MALT1: variants seen among roughly 807,000 people sequenced by gnomAD.
MALT1 encodes MALT1 paracaspase.
Under a neutral mutation model 85.5 loss-of-function variants are expected in MALT1, and 36 were observed. That is an observed-to-expected ratio of 0.42 (90% CI 0.32 to 0.56). The LOEUF (loss-of-function observed/expected upper bound fraction) is 0.56, where lower values mean the gene tolerates loss of function less well. Among genes scored for constraint, MALT1 ranks in the 20% least tolerant of loss-of-function variants. The probability of loss-of-function intolerance (pLI) is 0.10; values close to 1 mark genes in which losing one functional copy is unlikely to be tolerated. For missense variants in MALT1, 716 were observed against 981.6 expected, an observed-to-expected ratio of 0.73 and a Z score of 3.62; for synonymous variants, 359 against 361.3, an observed-to-expected ratio of 0.99 and a Z score of 0.07.
chr18:58,732,250 A>G (rs1602333038), intron 10 of MALT1, among the ~76,000 whole-genome samples: 1 of 152,160 alleles, frequency 6.6e-6, no homozygotes, highest in Non-Finnish European at 1.5e-5. Context: ...GATATCTTCA[A>G]AAGTGTTTTG....
At chr18:58,747,123 T>C (rs2055378844) in intron 16 of MALT1, among the ~76,000 whole-genome samples, 1 of 152,228 alleles carries the variant, frequency 6.6e-6, no homozygotes, top group Non-Finnish European at 1.5e-5. Flanking sequence ...TTTTCCCTGT[T>C]CATCTAGAGT....
chr18:58,721,211 C>T (rs2054977622), intron 9 of MALT1, among the ~76,000 whole-genome samples: 1 of 152,154 alleles, frequency 6.6e-6, no homozygotes, highest in Non-Finnish European at 1.5e-5. Flanking sequence ...GAAACCCCAT[C>T]TCTACTAAAA....
At chr18:58,688,536 CAAAAAAAAAAA>C (rs552838701) in intron 2 of MALT1, among the ~76,000 whole-genome samples, 36 of 61,408 alleles carry the variant, frequency 5.9e-4, no homozygotes, top group East Asian at 1.0e-3. Flanking sequence ...CCTGTTTCTA[CAAAAAAAAAAA>C]AAAAAAAAAA....
chr18:58,682,294 A>G (rs1318298213), intron 2 of MALT1, among the ~76,000 whole-genome samples: 1 of 152,200 alleles, frequency 6.6e-6, no homozygotes, highest in Non-Finnish European at 1.5e-5. Context: ...GTATAGTGGT[A>G]TGCTGTCAGT....
chr18:58,727,042 TGA>T (rs1053317229), intron 10 of MALT1, among the ~76,000 whole-genome samples: 6 of 152,240 alleles, frequency 3.9e-5, no homozygotes, highest in African/African-American at 1.4e-4. Context: ...ACTAAATTAA[TGA>T]GGTTTACAGG....
chr18:58,712,862 T>C (rs2054850007), intron 7 of MALT1, among the ~76,000 whole-genome samples: 1 of 152,118 alleles, frequency 6.6e-6, no homozygotes, highest in Non-Finnish European at 1.5e-5. Flanking sequence ...GTTGAATAGG[T>C]GGATTTTTTT....
chr18:58,732,588 C>T (rs1331593432), intron 10 of MALT1, among the ~76,000 whole-genome samples: 1 of 152,140 alleles, frequency 6.6e-6, no homozygotes, highest in Non-Finnish European at 1.5e-5. Flanking sequence ...TTCTTGACTT[C>T]ATATTGCAGT....
rs2055466064 is a variant in MALT1, at chr18:58,752,896, C to CT, written c.*5056dup. ...TTCTAATTTGGTAGCATTAAAAATACTTAAGCATCAAAGTTTGGCTTTATG... is the reference window on the plus strand; with the variant it reads ...TTCTAATTTGGTAGCATTAAAAATACTTTAAGCATCAAAGTTTGGCTTTATG... On this transcript the variant is annotated 3_prime_UTR_variant, in exon 17 of 17. Transcript: ENST00000649217. The CT allele has an allele frequency of 6.6e-6, 1 of 152,182 alleles. No homozygotes were observed. Among genetic ancestry groups the CT allele is most frequent in the Non-Finnish European group, 1.5e-5 (1 of 68,032 alleles). 9.4% of individuals were successfully genotyped at this position (152,182 alleles called of 1,614,324 possible).
rs1480252258 is a variant in MALT1 at position 58,754,055 on chromosome 18, A to G, written c.*6213A>G. ...GCCTTTCTGTGTGCTAGGTTTAAAC[A>G]TTTTACACACAGTCTTATTTAAAAC... is the stretch of plus-strand genomic sequence containing the variant. On this transcript the variant is annotated 3_prime_UTR_variant, in exon 17 of 17. Transcript: ENST00000649217. 1 of 152,184 alleles carries G rather than the reference A, an allele frequency of 6.6e-6. No individual in the cohort carries two copies. The highest frequency in any genetic ancestry group is 1.5e-5 in the Non-Finnish European group (1 of 68,020). 9.4% of individuals were successfully genotyped at this position (152,184 alleles called of 1,614,324 possible).
rs541449173 is a variant in MALT1, at chr18:58,708,076, C to T, written c.650-1302C>T. Among the ~76,000 whole-genome samples, 4 of 152,286 alleles carry T rather than the reference C, an allele frequency of 2.6e-5. 1 individual carries two copies. Among genetic ancestry groups the T allele is most frequent in the African/African-American group, 7.2e-5 (3 of 41,554 alleles). ...GACCCCCCTGCCTAGCTGCCTTGCC[C>T]CCAGCCAGCCTTGGAAAGCAAAGGC... On this transcript the variant is annotated intron_variant, in intron 4 of 16. Transcript: ENST00000649217.
rs2054159020 is a variant in MALT1 at position 58,671,556 on chromosome 18, C to G, written c.-88C>G. 1.1e-6 allele frequency: 1 copy of G among 891,602 alleles called. No individual in the cohort carries two copies. The highest frequency in any genetic ancestry group is 5.9e-5 in the South Asian group (1 of 17,090). 55.2% of individuals were successfully genotyped at this position (891,602 alleles called of 1,614,324 possible). A position where few individuals can be genotyped will look rare whatever the true frequency, so the allele number is the denominator to read the frequency against. ...TGTTCTTCCGCCCCTGCCTCCGCGG[C>G]TCGGAGGCGAGCGGAAGGTGCCCCG... On this transcript the variant is annotated 5_prime_UTR_variant, in exon 1 of 17. Transcript: ENST00000649217.
intron 4 of MALT1, among the ~76,000 whole-genome samples, chr18:58,703,029 T>C (rs781162772): frequency 1.3e-5 from 2 of 152,178 alleles, no homozygotes; most frequent in Non-Finnish European, 2.9e-5. Context: ...CTCACTTTAG[T>C]CTTCCGTAAA....
At chr18:58,680,839 C>T (rs1255108548) in intron 1 of MALT1, among the ~76,000 whole-genome samples, 4 of 145,674 alleles carry the variant, frequency 2.7e-5, no homozygotes, top group Non-Finnish European at 6.0e-5. Context: ...AGGAGAATGG[C>T]GTGAACCCGG....
intron 13 of MALT1, among the ~76,000 whole-genome samples, chr18:58,740,626 AGTCT>A (rs369908976): frequency 7.7e-4 from 117 of 152,080 alleles, no homozygotes; most frequent in African/African-American, 2.0e-3. Context: ...ATCGAATAAT[AGTCT>A]GTCTAATTGC....
chr18:58,720,206 C>G (rs561547415), intron 9 of MALT1, among the ~76,000 whole-genome samples: 1 of 152,318 alleles, frequency 6.6e-6, no homozygotes, highest in South Asian at 2.1e-4. Context: ...CAGAAAAACT[C>G]TTTCATTTAT....
chr18:58,677,976 T>A (rs1403792473), intron 1 of MALT1, among the ~76,000 whole-genome samples: 1 of 152,228 alleles, frequency 6.6e-6, no homozygotes, highest in Non-Finnish European at 1.5e-5. Flanking sequence ...GTTAAGAAGT[T>A]AGCTTTAATA....
At chr18:58,676,652 T>C (rs1383037921) in intron 1 of MALT1, among the ~76,000 whole-genome samples, 1 of 152,244 alleles carries the variant, frequency 6.6e-6, no homozygotes. Flanking sequence ...TCTACTTGCG[T>C]TACCTCCACA....
At chr18:58,694,547 T>C (rs1295254179) in intron 2 of MALT1, among the ~76,000 whole-genome samples, 1 of 152,248 alleles carries the variant, frequency 6.6e-6, no homozygotes, top group Non-Finnish European at 1.5e-5. Context: ...TTTTCTTTAC[T>C]TCCTAAAAGC....
In MALT1 at chr18:58,747,857, AAAGT is replaced by A; in HGVS notation, c.*16_*19del. ...CTGAAAAATGACCTCCTTGTTTTTGAAAGTTAGCATAATTTTAGATGCCTGTGAA... is the reference window on the plus strand; with the variant it reads ...CTGAAAAATGACCTCCTTGTTTTTGATAGCATAATTTTAGATGCCTGTGAA... On this transcript the variant is annotated 3_prime_UTR_variant, in exon 17 of 17. Transcript: ENST00000649217. The A allele has an allele frequency of 6.2e-7, 1 of 1,602,412 alleles. No individual in the cohort carries two copies. The highest frequency in any genetic ancestry group is 8.5e-7 in the Non-Finnish European group (1 of 1,172,252).
Sources: allele counts gnomAD v4.1 joint callset (sites outside exome capture counted in the v4.1 genomes callset), GRCh38; gene constraint gnomAD v4.1.1; transcripts MANE v1.5; gene names NCBI Gene and HGNC (gene_info 2026-07-23, HGNC 2026-07-21).